The following ASCC1 variants were observed in gnomAD, a reference collection of about 807,000 sequenced individuals.
The protein encoded by ASCC1 is ASC-1 complex subunit P50.
In ASCC1, 35 loss-of-function variants were observed where a neutral mutation model predicts 46.6. The ratio of observed to expected loss-of-function variants is 0.75; its 90% CI spans 0.57 to 0.99. ASCC1 has a LOEUF of 0.99. Ranked by LOEUF, ASCC1 falls within the 50% of genes least tolerant of loss-of-function variation. ASCC1 has a pLI of 0.00. For missense variants in ASCC1, 376 were observed against 428.7 expected (o/e 0.88, Z 1.09); for synonymous variants, 143 against 146.6 (o/e 0.98, Z 0.18).
At chr10:72,104,306 C>A (rs558938591) in intron 9 of ASCC1, among the ~76,000 whole-genome samples, 1 of 152,182 alleles carries the variant, frequency 6.6e-6, no homozygotes, top group Non-Finnish European at 1.5e-5. Context: ...ATATTCACTG[C>A]CACTGCTTTT....
intron 9 of ASCC1, among the ~76,000 whole-genome samples, chr10:72,119,301 A>C (rs957847953): frequency 6.6e-6 from 1 of 152,248 alleles, no homozygotes; most frequent in African/African-American, 2.4e-5. Flanking sequence ...GCCTGCCCTC[A>C]GGAGAAACTA....
intron 5 of ASCC1, among the ~76,000 whole-genome samples, chr10:72,164,848 G>T (rs1310676807): frequency 6.6e-6 from 1 of 152,110 alleles, no homozygotes; most frequent in African/African-American, 2.4e-5. Context: ...ATTACATTGT[G>T]GTTTTGACTT....
chr10:72,192,488 G>A (rs555091437), intron 5 of ASCC1, among the ~76,000 whole-genome samples: 3 of 150,836 alleles, frequency 2.0e-5, no homozygotes, highest in East Asian at 4.0e-4. Context: ...GAAGAAAAGA[G>A]AACAACCCAA....
At chr10:72,197,183 T>C (rs1352600890) in intron 4 of ASCC1, among the ~76,000 whole-genome samples, 194 bp from the exon 5 acceptor site, 1 of 152,022 alleles carries the variant, frequency 6.6e-6, no homozygotes, top group East Asian at 1.9e-4. Context: ...AAAAATAGAA[T>C]ATCCTTGGCC....
Position 72,117,951 on chromosome 10 carries a change from T to C in ASCC1, c.957+10131A>G, listed in dbSNP as rs976037656. ...GACAATAACTTTATCCTAAATTCCA[T>C]TTGCTGTTATATATCCTGCTATAAT... On this transcript the variant is annotated intron_variant, in intron 9 of 9. Transcript: ENST00000672957. Among the ~76,000 whole-genome samples the C allele has an allele frequency of 5.3e-5, 8 of 152,224 alleles. No individual in the cohort carries two copies. In the South Asian group the frequency reaches 8.3e-4, roughly 16 times the overall value.
At position 72,190,128 on chromosome 10, in the gene ASCC1, G is replaced by A; in HGVS notation, c.489+6683C>T. 3.9e-6 allele frequency: 3 copies of A among 760,908 alleles called. No homozygotes were observed. The South Asian group carries it at 4.0e-5, about 10-fold the overall frequency. 47.1% of individuals were successfully genotyped at this position (760,908 alleles called of 1,614,324 possible). ...ACCAAGCAAGGTTACATTATATATA[G>A]GATTCATGTTCGCTGTGGTGGCCGA... On this transcript the variant is annotated intron_variant, in intron 5 of 9. Coordinates refer to ENST00000672957, the MANE Select transcript of ASCC1 (RefSeq NM_001198800.3).
intron 2 of ASCC1, among the ~76,000 whole-genome samples, chr10:72,212,507 G>C (rs1858308073): frequency 6.6e-6 from 1 of 151,878 alleles, no homozygotes; most frequent in Non-Finnish European, 1.5e-5. Context: ...AACATTATTG[G>C]GCAATGGACT....
intron 9 of ASCC1, among the ~76,000 whole-genome samples, chr10:72,108,537 C>T (rs1011395803): frequency 2.0e-5 from 3 of 152,216 alleles, no homozygotes; most frequent in African/African-American, 7.2e-5. Context: ...TAACTTTTAA[C>T]TTTAAGCACT....
At chr10:72,170,877 C>A (rs375133834) in intron 5 of ASCC1, among the ~76,000 whole-genome samples, 3 of 151,972 alleles carry the variant, frequency 2.0e-5, no homozygotes, top group Non-Finnish European at 2.9e-5. Context: ...CAGTGGTGCA[C>A]GCCTATAGTC....
chr10:72,169,903 T>C (rs1378113355), intron 5 of ASCC1, among the ~76,000 whole-genome samples: 1 of 152,164 alleles, frequency 6.6e-6, no homozygotes, highest in African/African-American at 2.4e-5. Flanking sequence ...GCGGATCACC[T>C]GAGATCAGGA....
intron 3 of ASCC1, chr10:72,204,583 C>A: frequency 1.3e-6 from 2 of 1,507,860 alleles, no homozygotes; most frequent in Non-Finnish European, 8.9e-7. Flanking sequence ...GTTAAGAACT[C>A]CTTGTCATCA....
At chr10:72,126,909 C>T (rs1844925805) in intron 9 of ASCC1, among the ~76,000 whole-genome samples, 1 of 152,224 alleles carries the variant, frequency 6.6e-6, no homozygotes, top group Non-Finnish European at 1.5e-5. Context: ...AAAGGAAGGA[C>T]TCAGCATAGC....
chr10:72,177,181 G>A (rs915977451), intron 5 of ASCC1, among the ~76,000 whole-genome samples: 1 of 152,004 alleles, frequency 6.6e-6, no homozygotes, highest in East Asian at 1.9e-4. Context: ...TATCTCCACC[G>A]AAATGGGACA....
At chr10:72,154,783 C>A (rs917980971) in intron 6 of ASCC1, among the ~76,000 whole-genome samples, 1 of 152,096 alleles carries the variant, frequency 6.6e-6, no homozygotes, top group Non-Finnish European at 1.5e-5. Flanking sequence ...TGAGCCACTG[C>A]ACTTGGCCTA....
chr10:72,216,691 A>G, upstream of ASCC1: 2 of 378,346 alleles, frequency 5.3e-6, no homozygotes, highest in South Asian at 1.9e-5. Context: ...ATTCATAAAT[A>G]TATGAATGCG....
At chr10:72,173,140 C>T (rs910221211) in intron 5 of ASCC1, among the ~76,000 whole-genome samples, 2 of 151,254 alleles carry the variant, frequency 1.3e-5, no homozygotes, top group Non-Finnish European at 2.9e-5. Flanking sequence ...AAAGTGCACA[C>T]AAGTACCTTT....
At chr10:72,154,877 C>T (rs930754590) in intron 6 of ASCC1, among the ~76,000 whole-genome samples, 2 of 151,996 alleles carry the variant, frequency 1.3e-5, no homozygotes, top group Non-Finnish European at 2.9e-5. Flanking sequence ...TAACATGGTA[C>T]TGATTAGATA....
intron 3 of ASCC1, chr10:72,204,427 C>A (rs1186735621): frequency 6.4e-7 from 1 of 1,550,416 alleles, no homozygotes; most frequent in South Asian, 1.2e-5. Flanking sequence ...CTTGCCTGGA[C>A]TTCCAAGTAT....
intron 9 of ASCC1, among the ~76,000 whole-genome samples, chr10:72,121,881 G>C (rs1229272684): frequency 6.6e-6 from 1 of 152,178 alleles, no homozygotes; most frequent in Non-Finnish European, 1.5e-5. Flanking sequence ...GAACTCAACA[G>C]CACTACCAAC....
Sources: gnomAD v4.1 joint callset for allele counts (sites outside exome capture counted in the v4.1 genomes callset) on GRCh38, gnomAD v4.1.1 for gene constraint, MANE v1.5 for transcripts, NCBI Gene and HGNC (gene_info 2026-07-23, HGNC 2026-07-21) for gene names.